The following WDR27 variants were observed in gnomAD, a reference collection of about 807,000 sequenced individuals.
WDR27 encodes WD repeat-containing protein 27.
In WDR27, 100 loss-of-function variants were observed where a neutral mutation model predicts 114.4. That is an observed-to-expected ratio of 0.87 (90% CI 0.74 to 1.03). The LOEUF is 1.03. Among genes scored for constraint, WDR27 ranks in the 50% least tolerant of loss-of-function variants. The probability of loss-of-function intolerance (pLI) is 0.00; values close to 1 mark genes in which losing one functional copy is unlikely to be tolerated. For synonymous variants in WDR27, 449 were observed against 423.1 expected (o/e 1.06, Z -0.75); for missense variants, 1,129 against 1,092.9 (o/e 1.03, Z -0.47).
intron 25 of WDR27, among the ~76,000 whole-genome samples, chr6:169,538,666 T>C (rs1273751777): frequency 6.6e-6 from 1 of 151,522 alleles, no homozygotes; most frequent in Non-Finnish European, 1.5e-5. Flanking sequence ...TTTATTTATA[T>C]AGGCCTGCAA....
chr6:169,509,327 T>A (rs1304847023), intron 25 of WDR27, among the ~76,000 whole-genome samples: 1 of 152,150 alleles, frequency 6.6e-6, no homozygotes, highest in African/African-American at 2.4e-5. Context: ...GCCAAGTCAA[T>A]CCTAAGCCAA....
intron 25 of WDR27, among the ~76,000 whole-genome samples, chr6:169,571,674 A>C (rs1225549475): frequency 3.2e-4 from 49 of 152,132 alleles, no homozygotes; most frequent in Admixed American, 3.1e-3. Flanking sequence ...TACAAACAAT[A>C]AATAAATAAA....
chr6:169,469,570 G>A (rs1049781630), intron 25 of WDR27, among the ~76,000 whole-genome samples: 2 of 152,204 alleles, frequency 1.3e-5, no homozygotes, highest in African/African-American at 4.8e-5. Context: ...GCTGTACCCT[G>A]TGAAACCAAA....
At chr6:169,701,003 T>C (rs140864207) in intron 1 of WDR27, among the ~76,000 whole-genome samples, 3 of 152,314 alleles carry the variant, frequency 2.0e-5, no homozygotes, top group African/African-American at 7.2e-5. Flanking sequence ...GAAAAGGCAG[T>C]GACAAGTGAT....
At position 169,664,247 on chromosome 6, in the gene WDR27, G is replaced by A. The variant is rs528781188; in HGVS notation, c.823C>T (p.Arg275Cys). ...FSLMDGHHYR[R>C]VARVDLRKKT... ...TTCCTTAGGTCAACCCGTGCCACAC[G>A]ACGATAATGGTGTCCATCCATCAAA... The change falls in exon 8 of 26, where the codon CGT becomes TGT. Residue 275 changes from arginine to cysteine, a missense_variant. Arg to Cys is a radical substitution (Grantham distance 180). Coordinates refer to ENST00000448612, the MANE Select transcript of WDR27 (RefSeq NM_182552.5). 38 of 1,613,824 alleles carry A rather than the reference G, an allele frequency of 2.4e-5. No homozygotes were observed. Among genetic ancestry groups the A allele is most frequent in the South Asian group, 2.0e-4 (18 of 91,072 alleles).
At chr6:169,514,180 T>C (rs974785621) in intron 25 of WDR27, among the ~76,000 whole-genome samples, 9 of 151,894 alleles carry the variant, frequency 5.9e-5, no homozygotes, top group Non-Finnish European at 7.4e-5. Flanking sequence ...TACATACACA[T>C]ATACATATAT....
chr6:169,536,510 T>C (rs919446927), intron 25 of WDR27, among the ~76,000 whole-genome samples: 4 of 152,210 alleles, frequency 2.6e-5, no homozygotes, highest in African/African-American at 9.6e-5. Flanking sequence ...ATGAAACTGG[T>C]CTTATTCTGA....
chr6:169,663,013 G>A (rs1343175336), intron 8 of WDR27, among the ~76,000 whole-genome samples: 1 of 150,110 alleles, frequency 6.7e-6, no homozygotes, highest in African/African-American at 2.5e-5. Flanking sequence ...CGGATCACGC[G>A]TCGAGGAAAG....
chr6:169,671,096 C>A (rs1324487250), intron 3 of WDR27: 1 of 156,116 alleles, frequency 6.4e-6, no homozygotes, highest in Non-Finnish European at 1.4e-5. Context: ...CAACCCAGGC[C>A]TCCAGGGACT....
chr6:169,685,847 G>A (rs1782794710), intron 2 of WDR27, among the ~76,000 whole-genome samples: 1 of 152,156 alleles, frequency 6.6e-6, no homozygotes. Context: ...TCCAGGTTCA[G>A]GAAGCTCGAA....
intron 23 of WDR27, among the ~76,000 whole-genome samples, chr6:169,591,240 C>T (rs964261292): frequency 1.3e-5 from 2 of 152,124 alleles, no homozygotes; most frequent in Non-Finnish European, 2.9e-5. Flanking sequence ...TTTTCCTGTA[C>T]CCATTGGCCA....
intron 6 of WDR27, chr6:169,666,547 G>A: frequency 2.0e-6 from 2 of 985,552 alleles, no homozygotes; most frequent in Non-Finnish European, 2.4e-6. Context: ...CACAGGGGCT[G>A]CACGGGAGAG....
chr6:169,641,828 A>G (rs924926668), intron 17 of WDR27, among the ~76,000 whole-genome samples: 2 of 152,376 alleles, frequency 1.3e-5, no homozygotes, highest in South Asian at 2.1e-4. Context: ...GATCACCGCT[A>G]GCTCCAGGGC....
chr6:169,585,314 C>T (rs765739808), intron 23 of WDR27, among the ~76,000 whole-genome samples: 2 of 152,208 alleles, frequency 1.3e-5, no homozygotes, highest in Admixed American at 6.5e-5. Context: ...TAAAGAGCTT[C>T]GGCTCAGCAA....
At chr6:169,633,487 A>AG (rs1173986894) in intron 20 of WDR27, among the ~76,000 whole-genome samples, 1 of 152,254 alleles carries the variant, frequency 6.6e-6, no homozygotes, top group Non-Finnish European at 1.5e-5. Context: ...CACCTGGGGC[A>AG]GGCTTCACGA....
chr6:169,599,996 T>C (rs1807624607), intron 23 of WDR27, among the ~76,000 whole-genome samples: 1 of 152,210 alleles, frequency 6.6e-6, no homozygotes. Context: ...AACATCTTTA[T>C]TTCTGCCTTC....
chr6:169,668,286 A>G lies in WDR27; in HGVS notation c.457-101T>C, dbSNP rs918861146. ...GGTGTCTGAGCTAAGAGGAAAGCTC[A>G]GGCGACAGGCACAGTCTCAGCAGTG... On this transcript the variant is annotated intron_variant, in intron 4 of 25. Coordinates refer to ENST00000448612, the MANE Select transcript of WDR27 (RefSeq NM_182552.5). 2.6e-6 allele frequency: 3 copies of G among 1,166,116 alleles called. No homozygotes were observed. The African/African-American group carries it at 4.5e-5, about 18-fold the overall frequency. The allele number at this position is 1,166,116 out of a possible 1,614,324, so 72.2% of individuals were successfully genotyped here.
intron 24 of WDR27, among the ~76,000 whole-genome samples, chr6:169,577,146 G>A (rs1256644872): frequency 6.6e-6 from 1 of 151,988 alleles, no homozygotes; most frequent in East Asian, 1.9e-4. Flanking sequence ...GGGGAGACGA[G>A]ACCCCTGCGC....
At chr6:169,535,848 T>C (rs1467378111) in intron 25 of WDR27, among the ~76,000 whole-genome samples, 1 of 152,208 alleles carries the variant, frequency 6.6e-6, no homozygotes, top group Non-Finnish European at 1.5e-5. Flanking sequence ...AGAGCAATTA[T>C]TGTTTAGCTC....
Sources: gnomAD v4.1 joint callset for allele counts (sites outside exome capture counted in the v4.1 genomes callset) on GRCh38, gnomAD v4.1.1 for gene constraint, MANE v1.5 for transcripts, NCBI Gene and HGNC (gene_info 2026-07-23, HGNC 2026-07-21) for gene names.